CEP112: variants seen among roughly 807,000 people sequenced by gnomAD.
CEP112 encodes centrosomal protein of 112 kDa.
CEP112 carries 127 observed loss-of-function variants against 153.0 expected under a neutral mutation model. The ratio of observed to expected loss-of-function variants is 0.83; its 90% CI spans 0.72 to 0.96. CEP112 has a LOEUF of 0.96. CEP112 is among the 40% of genes least tolerant of loss of function. The pLI is 0.00. For synonymous variants in CEP112, 358 were observed against 374.4 expected, an observed-to-expected ratio of 0.96 and a Z score of 0.51; for missense variants, 1,089 against 1,101.2, an observed-to-expected ratio of 0.99 and a Z score of 0.16.
intron 19 of CEP112, among the ~76,000 whole-genome samples, chr17:65,916,250 AGTGTGTGTGTGTGTGT>A (rs3222034): frequency 1.7e-4 from 22 of 129,940 alleles, no homozygotes; most frequent in Admixed American, 1.5e-3. Flanking sequence ...TTTGAAAAAG[AGTGTGTGTGTGTGTGT>A]GTGTGTGTGT....
At chr17:66,108,328 C>T (rs2068872586) in intron 6 of CEP112, among the ~76,000 whole-genome samples, 1 of 151,968 alleles carries the variant, frequency 6.6e-6, no homozygotes, top group Non-Finnish European at 1.5e-5. Flanking sequence ...AAAGCTTCTG[C>T]ACAACCAAGG....
At chr17:65,848,783 T>C (rs143204818) in intron 21 of CEP112, among the ~76,000 whole-genome samples, 305 of 152,366 alleles carry the variant, frequency 2.0e-3, no homozygotes, top group African/African-American at 7.0e-3. Flanking sequence ...TCTACATTCC[T>C]GATCGATTTA....
intron 19 of CEP112, among the ~76,000 whole-genome samples, chr17:65,915,411 A>C (rs915429068): frequency 6.6e-6 from 1 of 151,836 alleles, no homozygotes; most frequent in Non-Finnish European, 1.5e-5. Flanking sequence ...CACTGCAATC[A>C]TCTCCTAACT....
intron 4 of CEP112, among the ~76,000 whole-genome samples, chr17:66,165,599 A>G (rs1015594181): frequency 1.3e-5 from 2 of 152,358 alleles, no homozygotes; most frequent in South Asian, 4.1e-4. Context: ...ATAAAAGTGG[A>G]GTTTAACAAA....
At chr17:66,024,592 T>C (rs2065124834) in intron 16 of CEP112, among the ~76,000 whole-genome samples, 1 of 151,598 alleles carries the variant, frequency 6.6e-6, no homozygotes, top group Non-Finnish European at 1.5e-5. Context: ...TAAGAATATA[T>C]TTAACCAAGG....
intron 18 of CEP112, among the ~76,000 whole-genome samples, chr17:65,928,216 C>T (rs1416899379): frequency 1.3e-5 from 2 of 152,058 alleles, no homozygotes; most frequent in African/African-American, 4.8e-5. Context: ...CAAATTAAAA[C>T]AAGAATGACA....
At chr17:66,092,360 C>CACACAG (rs998411599) in intron 8 of CEP112, among the ~76,000 whole-genome samples, 2 of 149,304 alleles carry the variant, frequency 1.3e-5, no homozygotes, top group Non-Finnish European at 3.0e-5. Context: ...AATTTAAACA[C>CACACAG]ACACACACAC....
At chr17:66,033,907 T>C (rs1596319) in intron 12 of CEP112, among the ~76,000 whole-genome samples, 141,031 of 152,262 alleles carry the variant, frequency 0.93, 65,547 homozygotes, top group East Asian at 0.97. Flanking sequence ...TTGAATGATA[T>C]GGGTTTGAAC....
intron 21 of CEP112, among the ~76,000 whole-genome samples, chr17:65,784,571 C>G (rs2054171168): frequency 1.3e-5 from 2 of 152,156 alleles, no homozygotes; most frequent in African/African-American, 2.4e-5. Flanking sequence ...ACCTCTGCCT[C>G]CCGGGTTCAC....
chr17:65,714,137 T>C (rs1214527202), intron 23 of CEP112, among the ~76,000 whole-genome samples: 1 of 152,124 alleles, frequency 6.6e-6, no homozygotes, highest in Non-Finnish European at 1.5e-5. Flanking sequence ...AGAGAATGTA[T>C]CCCTTTGAGC....
intron 12 of CEP112, among the ~76,000 whole-genome samples, chr17:66,034,980 A>ATGTGTGTGTGTGTGTG (rs2065660514): frequency 3.8e-5 from 1 of 26,116 alleles, no homozygotes; most frequent in South Asian, 1.4e-3. Flanking sequence ...TTGCATGTAT[A>ATGTGTGTGTGTGTGTG]TATATATATA....
At chr17:65,970,445 GTA>G (rs1159842473) in intron 17 of CEP112, among the ~76,000 whole-genome samples, 1 of 49,086 alleles carries the variant, frequency 2.0e-5, no homozygotes, top group Non-Finnish European at 4.3e-5. Context: ...CATCATGCAT[GTA>G]TATTACATGC....
intron 4 of CEP112, among the ~76,000 whole-genome samples, chr17:66,151,935 C>G (rs963427060): frequency 2.6e-5 from 4 of 152,118 alleles, no homozygotes; most frequent in African/African-American, 9.7e-5. Flanking sequence ...ATAAATGTTG[C>G]TTTAAGCTGC....
At chr17:66,028,242 C>G (rs780997450) in intron 15 of CEP112, 71 bp downstream of exon 15, 3 of 884,054 alleles carry the variant, frequency 3.4e-6, no homozygotes, top group Non-Finnish European at 5.4e-6. Flanking sequence ...TTAATTGACT[C>G]TCAATGATAC....
intron 18 of CEP112, 121 bp from the exon 19 acceptor site, chr17:65,927,810 T>A (rs1361479706): frequency 1.7e-5 from 8 of 480,356 alleles, no homozygotes; most frequent in Non-Finnish European, 2.5e-5. Flanking sequence ...TAATGATGAA[T>A]TTAAATGTAT....
intron 21 of CEP112, among the ~76,000 whole-genome samples, chr17:65,843,718 T>C (rs1319657088): frequency 6.6e-6 from 1 of 152,164 alleles, no homozygotes; most frequent in Non-Finnish European, 1.5e-5. Flanking sequence ...CCACTTAAAA[T>C]TACAGACCAG....
chr17:66,150,999 T>C (rs2071186314), intron 4 of CEP112, among the ~76,000 whole-genome samples: 1 of 152,230 alleles, frequency 6.6e-6, no homozygotes, highest in Non-Finnish European at 1.5e-5. Flanking sequence ...ATATTCAGTA[T>C]AGCCATTCCA....
intron 21 of CEP112, among the ~76,000 whole-genome samples, chr17:65,796,869 C>CA (rs1220753944): frequency 0.11 from 4,439 of 40,544 alleles, 141 homozygotes; most frequent in Middle Eastern, 0.14. Context: ...CCCATCTCTA[C>CA]AAAAAAAAAA....
At chr17:66,065,192 C>T (rs2067068338) in intron 10 of CEP112, among the ~76,000 whole-genome samples, 1 of 152,178 alleles carries the variant, frequency 6.6e-6, no homozygotes, top group African/African-American at 2.4e-5. Flanking sequence ...TTCAGAAATC[C>T]TTCTCACCTT....
Sources: allele counts gnomAD v4.1 joint callset (sites outside exome capture counted in the v4.1 genomes callset), GRCh38; gene constraint gnomAD v4.1.1; transcripts MANE v1.5; gene names NCBI Gene and HGNC (gene_info 2026-07-23, HGNC 2026-07-21).